PDS5A: variants seen among roughly 807,000 people sequenced by gnomAD.
The protein encoded by PDS5A is sister chromatid cohesion protein PDS5 homolog A.
In PDS5A, 42 loss-of-function variants were observed where a neutral mutation model predicts 167.1. The observed-to-expected ratio is 0.25, with a 90% CI of 0.20 to 0.33. The LOEUF is 0.33. PDS5A is among the 10% of genes least tolerant of loss of function. The pLI, the probability that PDS5A is intolerant of heterozygous loss-of-function variation, is 1.00. For missense variants in PDS5A, 1,033 were observed against 1,605.9 expected (o/e 0.64, Z 6.10); for synonymous variants, 553 against 554.6 (o/e 1.00, Z 0.04).
chr4:39,949,821 G>GAAAA lies in PDS5A; in HGVS notation c.139-21661_139-21658dup, dbSNP rs59869303. Among the ~76,000 whole-genome samples, 69 of 67,204 alleles carry GAAAA rather than the reference G, an allele frequency of 1.0e-3. 1 individual carries two copies. Among genetic ancestry groups the GAAAA allele is most frequent in the African/African-American group, 2.3e-3 (41 of 18,090 alleles). The allele number at this position is 67,204 out of a possible 152,430, so 44.1% of individuals were successfully genotyped here. ...GGCGACAGAATAAGACTCTGTCTCA[G>GAAAA]AAAAAAAAAAAAAAGAAAAACACCA... On this transcript the variant is annotated intron_variant, in intron 2 of 32. Transcript: ENST00000303538.
chr4:39,922,066 G>A (rs1283365783), intron 6 of PDS5A, among the ~76,000 whole-genome samples: 1 of 152,164 alleles, frequency 6.6e-6, no homozygotes, highest in Non-Finnish European at 1.5e-5. Flanking sequence ...AGAGCCCAGT[G>A]GTGGAGCCTG....
At chr4:39,900,738 A>G (rs1372208903) in intron 13 of PDS5A, among the ~76,000 whole-genome samples, 1 of 152,234 alleles carries the variant, frequency 6.6e-6, no homozygotes, top group East Asian at 1.9e-4. Context: ...TTAATAAGTA[A>G]TACAGGGATT....
At chr4:39,896,296 T>C (rs910629191) in intron 16 of PDS5A, among the ~76,000 whole-genome samples, 3 of 151,326 alleles carry the variant, frequency 2.0e-5, no homozygotes, top group African/African-American at 7.3e-5. Flanking sequence ...TCCTCCTGCC[T>C]AGGCCTCCCA....
chr4:39,970,487 A>T (rs1030201537), intron 2 of PDS5A, among the ~76,000 whole-genome samples: 2 of 151,758 alleles, frequency 1.3e-5, no homozygotes, highest in African/African-American at 2.4e-5. Context: ...CAAAAGACCA[A>T]ACTCACTCTC....
intron 26 of PDS5A, among the ~76,000 whole-genome samples, chr4:39,855,119 T>C (rs765137936): frequency 4.3e-4 from 65 of 152,066 alleles, no homozygotes; most frequent in Non-Finnish European, 7.6e-4. Context: ...ACAATCATAA[T>C]CACCTGTGCA....
intron 14 of PDS5A, among the ~76,000 whole-genome samples, chr4:39,900,163 AATTG>A (rs1489742121): frequency 1.8e-4 from 27 of 152,158 alleles, no homozygotes; most frequent in Admixed American, 8.5e-4. Context: ...ATTATTTGAA[AATTG>A]ATTAACTATA....
At chr4:39,944,371 G>T (rs1386676919) in intron 2 of PDS5A, among the ~76,000 whole-genome samples, 1 of 151,874 alleles carries the variant, frequency 6.6e-6, no homozygotes, top group East Asian at 1.9e-4. Context: ...GAATTCATAA[G>T]GTCCTAAAAC....
chr4:39,951,823 C>T (rs569625779), intron 2 of PDS5A, among the ~76,000 whole-genome samples: 20 of 146,018 alleles, frequency 1.4e-4, no homozygotes, highest in African/African-American at 5.1e-4. Context: ...TCGCCTGAAC[C>T]CGGAAGGCAG....
chr4:39,854,734 T>A (rs1718396726), intron 26 of PDS5A, among the ~76,000 whole-genome samples: 1 of 152,200 alleles, frequency 6.6e-6, no homozygotes, highest in Non-Finnish European at 1.5e-5. Context: ...ATATATGATA[T>A]TCATATTACA....
chr4:39,966,861 T>C (rs1472259975), intron 2 of PDS5A, among the ~76,000 whole-genome samples: 1 of 149,130 alleles, frequency 6.7e-6, no homozygotes, highest in Non-Finnish European at 1.5e-5. Flanking sequence ...TAGCCGGGTG[T>C]AGTGGTGGGT....
intron 32 of PDS5A, among the ~76,000 whole-genome samples, chr4:39,833,562 A>G (rs149558289): frequency 2.0e-5 from 3 of 151,614 alleles, no homozygotes; most frequent in African/African-American, 7.3e-5. Context: ...TAATTTTTCT[A>G]TTTTTTTTGT....
chr4:39,862,999 C>T lies in PDS5A; in HGVS notation c.2841G>A (p.Leu947=), dbSNP rs535382591. 5 of 1,613,490 alleles carry T rather than the reference C, an allele frequency of 3.1e-6. No individual in the cohort carries two copies. Among genetic ancestry groups the T allele is most frequent in the African/African-American group, 2.7e-5 (2 of 75,020 alleles). The change falls in exon 25 of 33, where the codon TTG becomes TTA. Residue 947 remains leucine (L), a synonymous_variant. Transcript: ENST00000303538. ...ACAAGGCAAAGATCGCCATATACTCCAATGGGAGCAGTAACTTCACAAGTG... is the reference window on the plus strand; with the variant it reads ...ACAAGGCAAAGATCGCCATATACTCTAATGGGAGCAGTAACTTCACAAGTG... ...HKALVKLLLP[L]EYMAIFALCA...
At chr4:39,848,738 G>C in intron 28 of PDS5A, 113 bp downstream of exon 28, 1 of 938,614 alleles carries the variant, frequency 1.1e-6, no homozygotes. Context: ...GATAAACCCA[G>C]ATTTTTTCTT....
At chr4:39,890,403 C>T (rs751587855) in intron 16 of PDS5A, 39 bp from the exon 17 acceptor site, 15 of 1,099,006 alleles carry the variant, frequency 1.4e-5, no homozygotes, top group Middle Eastern at 4.0e-4. Flanking sequence ...ACGTGATTTG[C>T]TTTCATATTT....
intron 9 of PDS5A, 151 bp downstream of exon 9, chr4:39,913,460 C>G: frequency 5.4e-6 from 3 of 554,376 alleles, no homozygotes; most frequent in Non-Finnish European, 6.4e-6. Context: ...ATTTTTCATA[C>G]AATTTATTCC....
intron 2 of PDS5A, among the ~76,000 whole-genome samples, chr4:39,940,365 CACA>C (rs1727109290): frequency 6.6e-6 from 1 of 152,174 alleles, no homozygotes. Context: ...GAGGGGAACA[CACA>C]ACTTCTGGGG....
chr4:39,954,686 A>T (rs1331770793), intron 2 of PDS5A, among the ~76,000 whole-genome samples: 1 of 151,282 alleles, frequency 6.6e-6, no homozygotes, highest in Non-Finnish European at 1.5e-5. Flanking sequence ...AAAAAAAAAA[A>T]AAAAAAAAAA....
At chr4:39,935,459 T>C (rs1726507518) in intron 2 of PDS5A, among the ~76,000 whole-genome samples, 1 of 152,264 alleles carries the variant, frequency 6.6e-6, no homozygotes, top group Admixed American at 6.5e-5. Context: ...TCTATATTCA[T>C]TCTGAGTTAA....
chr4:39,884,492 T>C (rs1721241492), intron 17 of PDS5A, among the ~76,000 whole-genome samples: 1 of 152,228 alleles, frequency 6.6e-6, no homozygotes, highest in Admixed American at 6.5e-5. Context: ...GACTGTCCTA[T>C]GCCTTTCTGA....
Sources: allele counts gnomAD v4.1 joint callset (sites outside exome capture counted in the v4.1 genomes callset), GRCh38; gene constraint gnomAD v4.1.1; transcripts MANE v1.5; gene names NCBI Gene and HGNC (gene_info 2026-07-23, HGNC 2026-07-21).